PARM1: variants seen among roughly 807,000 people sequenced by gnomAD.
The protein encoded by PARM1 is prostate androgen-regulated mucin-like protein 1.
A neutral mutation model predicts 24.6 loss-of-function variants in PARM1; 14 were observed. The ratio of observed to expected loss-of-function variants is 0.57; its 90% confidence interval spans 0.38 to 0.89. The LOEUF (loss-of-function observed/expected upper bound fraction) is 0.89. Among genes scored for constraint, PARM1 ranks in the 40% least tolerant of loss-of-function variants. The probability of loss-of-function intolerance (pLI) is 0.00; values close to 1 mark genes in which losing one functional copy is unlikely to be tolerated. For synonymous variants in PARM1, 179 were observed against 156.6 expected (o/e 1.14, Z -1.07); for missense variants, 362 against 380.4 (o/e 0.95, Z 0.40).
intron 1 of PARM1, among the ~76,000 whole-genome samples, chr4:74,982,297 T>C (rs71605432): frequency 0.02 from 3,032 of 151,920 alleles, 43 homozygotes; most frequent in Non-Finnish European, 0.032. Flanking sequence ...CCTGTCAGGG[T>C]CGGGGGTGAA....
Position 74,944,445 on chromosome 4 carries a change from T to C in PARM1, c.43+11075T>C, listed in dbSNP as rs1721370170. ...CAGCAGCCTTGACTGTAAACAGAGG[T>C]GTGGCCCCAGAGAGTAGCTCTGACC... is the stretch of plus-strand genomic sequence containing the variant. On this transcript the variant is annotated intron_variant, in intron 1 of 3. Transcript: ENST00000307428. Among the ~76,000 whole-genome samples the C allele has an allele frequency of 2.0e-5, 3 of 152,040 alleles. No homozygotes were observed. In the South Asian group the frequency reaches 6.2e-4, roughly 32 times the overall value.
intron 2 of PARM1, among the ~76,000 whole-genome samples, chr4:75,017,737 GCTACACC>G (rs976371684): frequency 6.6e-6 from 1 of 152,136 alleles, no homozygotes; most frequent in Non-Finnish European, 1.5e-5. Context: ...GAAGATATGG[GCTACACC>G]CTGAACCCCT....
At chr4:75,010,524 C>T (rs1033304407) in intron 1 of PARM1, among the ~76,000 whole-genome samples, 5 of 151,772 alleles carry the variant, frequency 3.3e-5, no homozygotes, top group Admixed American at 1.3e-4. Context: ...TACTTTACCA[C>T]AATAAAAAAT....
intron 3 of PARM1, among the ~76,000 whole-genome samples, chr4:75,044,658 G>T (rs1423714402): frequency 6.6e-6 from 1 of 152,180 alleles, no homozygotes. Flanking sequence ...CTGGGAGTCT[G>T]GGGTGGGGGT....
intron 2 of PARM1, 106 bp downstream of exon 2, chr4:75,013,256 C>A: frequency 1.7e-6 from 2 of 1,143,880 alleles, no homozygotes; most frequent in South Asian, 1.6e-5. Flanking sequence ...GAGTGTAACA[C>A]CTAAGTTGAA....
At position 75,000,048 on chromosome 4, in the gene PARM1, A is replaced by G. The variant is rs375829071; in HGVS notation, c.44-12377A>G. On this transcript the variant is annotated intron_variant, in intron 1 of 3. Coordinates refer to ENST00000307428, the MANE Select transcript of PARM1 (RefSeq NM_015393.4). ...TGGAGAGTACCTCTGGGACACTGAC[A>G]GGTCCAGCTGCCTCTTGCTTTGTTG... 3.3e-3 allele frequency among the ~76,000 whole-genome samples: 507 copies of G among 152,218 alleles called. 6 individuals carry two copies. The highest frequency in any genetic ancestry group is 0.011 in the African/African-American group (472 of 41,534).
chr4:74,976,039 T>A (rs530667676), intron 1 of PARM1, among the ~76,000 whole-genome samples: 3 of 152,238 alleles, frequency 2.0e-5, no homozygotes, highest in African/African-American at 7.2e-5. Flanking sequence ...TGGTGAGTGA[T>A]TGTGCTACCT....
In PARM1 at chr4:74,998,051, C is replaced by G. The variant is rs1200381073; in HGVS notation, c.44-14374C>G. Among the ~76,000 whole-genome samples the G allele has an allele frequency of 3.3e-5, 5 of 152,280 alleles. No homozygotes were observed. The East Asian group carries it at 9.7e-4, about 29-fold the overall frequency. On this transcript the variant is annotated intron_variant, in intron 1 of 3. Coordinates refer to ENST00000307428, the MANE Select transcript of PARM1 (RefSeq NM_015393.4). ...TAATAGCATCTGTCAGCAATGGTTG[C>G]AGAGTAGCATTTTAATAGTTCCCAC...
chr4:74,992,903 C>T (rs1039782825), intron 1 of PARM1, among the ~76,000 whole-genome samples: 1 of 151,980 alleles, frequency 6.6e-6, no homozygotes, highest in Non-Finnish European at 1.5e-5. Context: ...GTGAAGTGCT[C>T]CAGAAAGTAT....
intron 1 of PARM1, among the ~76,000 whole-genome samples, chr4:74,996,803 G>GA (rs1722582627): frequency 6.6e-6 from 1 of 152,110 alleles, no homozygotes; most frequent in African/African-American, 2.4e-5. Flanking sequence ...ACATAGAAAG[G>GA]AGAATTAATT....
chr4:75,025,309 C>T (rs776703346), intron 2 of PARM1, among the ~76,000 whole-genome samples: 61 of 152,194 alleles, frequency 4.0e-4, no homozygotes, highest in Non-Finnish European at 6.6e-4. Context: ...TGATCCCAGA[C>T]ACTTAGCTGG....
At chr4:74,968,308 T>A (rs1721947787) in intron 1 of PARM1, among the ~76,000 whole-genome samples, 1 of 152,200 alleles carries the variant, frequency 6.6e-6, no homozygotes, top group African/African-American at 2.4e-5. Context: ...GATTAAAAAA[T>A]TATATCATTT....
At chr4:74,970,713 C>T (rs1560779421) in intron 1 of PARM1, among the ~76,000 whole-genome samples, 2 of 152,192 alleles carry the variant, frequency 1.3e-5, no homozygotes, top group Non-Finnish European at 2.9e-5. Flanking sequence ...CTGCTTCCAG[C>T]CTGCCTGCAT....
At chr4:74,987,402 T>A (rs934412101) in intron 1 of PARM1, among the ~76,000 whole-genome samples, 1 of 152,088 alleles carries the variant, frequency 6.6e-6, no homozygotes, top group Non-Finnish European at 1.5e-5. Flanking sequence ...ACATTAATAG[T>A]TGTTGATATT....
intron 2 of PARM1, among the ~76,000 whole-genome samples, chr4:75,030,201 C>A (rs1188534630): frequency 1.3e-5 from 2 of 152,138 alleles, no homozygotes; most frequent in African/African-American, 4.8e-5. Context: ...AGGAGCTGGC[C>A]AGGCTAAGAA....
At position 74,967,777 on chromosome 4, in the gene PARM1, A is replaced by T. The variant is rs1721936114; in HGVS notation, c.43+34407A>T. 2.0e-5 allele frequency: 3 copies of T among 152,324 alleles called. No individual in the cohort carries two copies. The South Asian group carries it at 6.2e-4, about 32-fold the overall frequency. 9.4% of individuals were successfully genotyped at this position (152,324 alleles called of 1,614,324 possible). A position where few individuals can be genotyped will look rare whatever the true frequency, so the allele number is the denominator to read the frequency against. ...TTAACTTGTGGTTTTTCCTTGGGGAATCTTTTAATATAGGGAGAAAGTGAA... is the reference window on the plus strand; with the variant it reads ...TTAACTTGTGGTTTTTCCTTGGGGATTCTTTTAATATAGGGAGAAAGTGAA... On this transcript the variant is annotated intron_variant, in intron 1 of 3. Transcript: ENST00000307428.
intron 1 of PARM1, among the ~76,000 whole-genome samples, chr4:74,941,746 C>A (rs928175699): frequency 6.6e-6 from 1 of 151,956 alleles, no homozygotes; most frequent in Non-Finnish European, 1.5e-5. Flanking sequence ...AAGAAAATGC[C>A]CTGTGATGTA....
intron 2 of PARM1, among the ~76,000 whole-genome samples, chr4:75,031,724 T>A (rs1259618417): frequency 6.6e-6 from 1 of 152,176 alleles, no homozygotes; most frequent in Admixed American, 6.5e-5. Flanking sequence ...AAGAAGAGTC[T>A]TGCAAAAAAA....
intron 1 of PARM1, among the ~76,000 whole-genome samples, chr4:74,958,279 T>C (rs1249402310): frequency 1.3e-5 from 2 of 152,166 alleles, no homozygotes; most frequent in Non-Finnish European, 2.9e-5. Context: ...ACTAGGGATA[T>C]ACAAAAATAA....
Sources: allele counts gnomAD v4.1 joint callset (sites outside exome capture counted in the v4.1 genomes callset), GRCh38; gene constraint gnomAD v4.1.1; transcripts MANE v1.5; gene names NCBI Gene and HGNC (gene_info 2026-07-23, HGNC 2026-07-21).